TIMM44: variants seen among roughly 807,000 people sequenced by gnomAD.
TIMM44 encodes translocase of inner mitochondrial membrane 44.
A neutral mutation model predicts 63.8 loss-of-function variants in TIMM44; 37 were observed. The ratio of observed to expected loss-of-function variants is 0.58; its 90% CI spans 0.45 to 0.76. The LOEUF (loss-of-function observed/expected upper bound fraction) is 0.76. Among genes scored for constraint, TIMM44 ranks in the 30% least tolerant of loss-of-function variants. The pLI is 0.00. For missense variants in TIMM44, 573 were observed against 603.8 expected (o/e 0.95, Z 0.54); for synonymous variants, 239 against 245.1 (o/e 0.98, Z 0.23).
intron 10 of TIMM44, among the ~76,000 whole-genome samples, chr19:7,929,875 G>C (rs746822598): frequency 1.7e-4 from 26 of 152,080 alleles, no homozygotes; most frequent in Non-Finnish European, 3.5e-4. Context: ...TTTTAAGACA[G>C]TCTCGCTCTG....
At chr19:7,931,360 G>A (rs994717007) in intron 9 of TIMM44, 172 bp from the exon 10 acceptor site, 35 of 680,974 alleles carry the variant, frequency 5.1e-5, no homozygotes, top group Non-Finnish European at 8.1e-5. Context: ...CCCCAGGCCC[G>A]TCCCTGCTGG....
chr19:7,936,711 T>C (rs1019142403), intron 3 of TIMM44, among the ~76,000 whole-genome samples: 6 of 152,122 alleles, frequency 3.9e-5, no homozygotes, highest in Non-Finnish European at 7.3e-5. Context: ...CTCACACCTG[T>C]AATCCCAGCA....
Position 7,926,881 on chromosome 19 carries a change from T to G in TIMM44, c.*306A>C. The G allele has an allele frequency of 4.9e-6, 2 of 405,414 alleles. No individual in the cohort carries two copies. 25.1% of individuals were successfully genotyped at this position (405,414 alleles called of 1,614,324 possible). ...GGGTCCCACCCTGCTGTGGGGGGAG[T>G]CCCTGGGCCCTGGGGCCTCTTGGCA... On this transcript the variant is annotated 3_prime_UTR_variant, in exon 13 of 13. Transcript: ENST00000270538.
chr19:7,927,164 G>A lies in TIMM44; in HGVS notation c.*23C>T. 1.9e-6 allele frequency: 3 copies of A among 1,598,718 alleles called. No individual in the cohort carries two copies. The highest frequency in any genetic ancestry group is 2.5e-6 in the Non-Finnish European group (3 of 1,177,388). ...TCTGTGCCTGATGACCCAGGCCGGG[G>A]CTACCTGGCTCCGGCACCACACTCA... On this transcript the variant is annotated 3_prime_UTR_variant, in exon 13 of 13. Coordinates refer to ENST00000270538, the MANE Select transcript of TIMM44 (RefSeq NM_006351.4).
chr19:7,931,552 C>T (rs1419572307), intron 9 of TIMM44: 5 of 331,960 alleles, frequency 1.5e-5, no homozygotes, highest in Non-Finnish European at 2.9e-5. Flanking sequence ...CTCCGGCTCC[C>T]GCAGTGAGCC....
chr19:7,929,698 C>CG (rs1482540703), intron 10 of TIMM44, among the ~76,000 whole-genome samples: 5 of 134,490 alleles, frequency 3.7e-5, no homozygotes, highest in Admixed American at 3.6e-4. Context: ...AGCCCCCCCC[C>CG]AGTCATGTGG....
chr19:7,927,717 G>T lies in TIMM44; in HGVS notation c.1179C>A (p.Phe393Leu). 6.2e-7 allele frequency: 1 copy of T among 1,613,280 alleles called. No homozygotes were observed. The stretch of plus-strand genomic sequence containing the variant: ...TGACCACCATCACCAGCTGTGCCTG[G>T]AAGGTGATGATCAGCACCGGCCCCT... ...MEQGPVLIIT[F>L]QAQLVMVVRN... The change falls in exon 12 of 13, where the codon TTC becomes TTA. Residue 393 changes from phenylalanine (F) to leucine (L), a missense_variant. Phe to Leu is a conservative substitution (Grantham distance 22, BLOSUM62 0). Coordinates refer to ENST00000270538, the MANE Select transcript of TIMM44 (RefSeq NM_006351.4).
At chr19:7,931,102 T>TAAA (rs58157552) in intron 10 of TIMM44, 36 bp downstream of exon 10, 74 of 1,399,384 alleles carry the variant, frequency 5.3e-5, no homozygotes, top group African/African-American at 2.4e-4. Flanking sequence ...TTTTAGGCCT[T>TAAA]AAAAAAAAAA....
rs1984367079 is a variant in TIMM44 at position 7,943,527 on chromosome 19, G to C, written c.45+80C>G. On this transcript the variant is annotated intron_variant, in intron 1 of 12. Coordinates refer to ENST00000270538, the MANE Select transcript of TIMM44 (RefSeq NM_006351.4). This position sits in a 1 kb window ranked among gnomAD's most constrained non-coding sequence, Gnocchi z 4.3. ...CCCAAGCAAGGGTCGCGAAGGCCAA[G>C]GGTCTGAGAAGAAAGCCTTGGTGGC... The C allele has an allele frequency of 1.3e-6, 2 of 1,493,064 alleles. No homozygotes were observed. Among genetic ancestry groups the C allele is most frequent in the Admixed American group, 3.9e-5 (2 of 51,324 alleles). The allele number at this position is 1,493,064 out of a possible 1,614,324, so 92.5% of individuals were successfully genotyped here. A position where few individuals can be genotyped will look rare whatever the true frequency, so the allele number is the denominator to read the frequency against.
At position 7,938,283 on chromosome 19, in the gene TIMM44, T is replaced by A. The variant is rs1984213500; in HGVS notation, c.142-86A>T. 1.9e-5 allele frequency: 20 copies of A among 1,041,070 alleles called. 1 individual carries two copies. The South Asian group carries it at 2.9e-4, about 15-fold the overall frequency. 64.5% of individuals were successfully genotyped at this position (1,041,070 alleles called of 1,614,324 possible). ...CCCACAGAGGGACTCAGGGATTTTT[T>A]TAAATGTTCTCTTTTCGGTTGATAT... On this transcript the variant is annotated intron_variant, in intron 2 of 12. Transcript: ENST00000270538.
chr19:7,927,331 C>G, intron 12 of TIMM44, 25 bp from the exon 13 acceptor site: 1 of 1,606,966 alleles, frequency 6.2e-7, no homozygotes, highest in Non-Finnish European at 8.5e-7. Context: ...GGGAAGGGCA[C>G]TGTTGAGAGG....
chr19:7,929,584 T>G (rs1456999740), intron 10 of TIMM44, among the ~76,000 whole-genome samples: 1 of 152,194 alleles, frequency 6.6e-6, no homozygotes, highest in African/African-American at 2.4e-5. Context: ...CCCTGGTTTC[T>G]GTGATCACAC....
chr19:7,934,433 CCGCCACCCCCAGAGCCACGAGCACA>C lies in TIMM44; in HGVS notation c.394-220_394-196del. On this transcript the variant is annotated intron_variant, in intron 4 of 12. Transcript: ENST00000270538. This position sits in a 1 kb window ranked among gnomAD's most constrained non-coding sequence, Gnocchi z 5.3. Reference sequence around the variant, plus strand: ...CGGCACCCCCAGAGCCACGAGCACACCGCCACCCCCAGAGCCACGAGCACACCGGCACCCCCAGAGCCATGAGCAC... The same window carrying C: ...CGGCACCCCCAGAGCCACGAGCACACCCGGCACCCCCAGAGCCATGAGCAC... 7.1e-6 allele frequency among the ~76,000 whole-genome samples: 1 copy of C among 140,132 alleles called. No homozygotes were observed. The highest frequency in any genetic ancestry group is 2.5e-5 in the African/African-American group (1 of 39,902). 91.9% of individuals were successfully genotyped at this position (140,132 alleles called of 152,430 possible). A position where few individuals can be genotyped will look rare whatever the true frequency, so the allele number is the denominator to read the frequency against.
At position 7,934,295 on chromosome 19, in the gene TIMM44, G is replaced by A. The variant is rs972587519; in HGVS notation, c.394-57C>T. ...GCACCGGCCCTGGCGGCCGGGGGGC[G>A]GGGCAGGAGGAATGAATTCCTGCCG... On this transcript the variant is annotated intron_variant, in intron 4 of 12. Transcript: ENST00000270538. This position sits in a 1 kb window ranked among gnomAD's most constrained non-coding sequence, Gnocchi z 5.3. 24 of 1,597,422 alleles carry A rather than the reference G, an allele frequency of 1.5e-5. No homozygotes were observed. Among genetic ancestry groups the A allele is most frequent in the Middle Eastern group, 1.7e-4 (1 of 6,056 alleles).
At chr19:7,937,996 T>C (rs1984203918) in intron 3 of TIMM44, 31 bp downstream of exon 3, 1 of 1,613,378 alleles carries the variant, frequency 6.2e-7, no homozygotes, top group Non-Finnish European at 8.5e-7. Flanking sequence ...CCAGCCTGGG[T>C]GAGGGAAAAA....
chr19:7,936,617 T>G (rs544378900), intron 3 of TIMM44, among the ~76,000 whole-genome samples: 9 of 152,210 alleles, frequency 5.9e-5, no homozygotes, highest in Non-Finnish European at 8.8e-5. Context: ...AATAAAGGAA[T>G]GCAGAGCCAT....
chr19:7,927,497 G>T, intron 12 of TIMM44, 160 bp downstream of exon 12: 1 of 1,020,454 alleles, frequency 9.8e-7, no homozygotes, highest in Non-Finnish European at 1.5e-6. Flanking sequence ...GCTGGTCTCC[G>T]ACCTCCCTCA....
Position 7,933,339 on chromosome 19 carries a change from A to G in TIMM44, c.769+146T>C. 1.2e-6 allele frequency: 1 copy of G among 805,468 alleles called. No homozygotes were observed. Among genetic ancestry groups the G allele is most frequent in the Admixed American group, 1.7e-5 (1 of 58,596 alleles). The allele number at this position is 805,468 out of a possible 1,614,324, so 49.9% of individuals were successfully genotyped here. A position where few individuals can be genotyped will look rare whatever the true frequency, so the allele number is the denominator to read the frequency against. On this transcript the variant is annotated intron_variant, in intron 7 of 12. Transcript: ENST00000270538. The surrounding 1 kb of genome is among the most constrained non-coding windows in gnomAD (Gnocchi z 4.3). Reference sequence around the variant, plus strand: ...GAATCTACAGCCCCACCATCATGTGACCGCAAAGAAGTGACCGGCCCACTC... The same window carrying G: ...GAATCTACAGCCCCACCATCATGTGGCCGCAAAGAAGTGACCGGCCCACTC...
intron 3 of TIMM44, among the ~76,000 whole-genome samples, chr19:7,936,925 AC>A (rs60772650): frequency 0.095 from 14,412 of 151,800 alleles, 797 homozygotes; most frequent in African/African-American, 0.16. Flanking sequence ...ACATGGTGAA[AC>A]CCTGTCTTTA....
Sources: allele counts gnomAD v4.1 joint callset (sites outside exome capture counted in the v4.1 genomes callset), GRCh38; gene constraint gnomAD v4.1.1; non-coding constraint Gnocchi (gnomAD v3.1); transcripts MANE v1.5; gene names NCBI Gene and HGNC (gene_info 2026-07-23, HGNC 2026-07-21).